ZDHHC13: variants seen among roughly 807,000 people sequenced by gnomAD.
The protein encoded by ZDHHC13 is palmitoyltransferase ZDHHC13.
In ZDHHC13, 85 loss-of-function variants were observed where a neutral mutation model predicts 86.0. The ratio of observed to expected loss-of-function variants is 0.99; its 90% confidence interval spans 0.83 to 1.18. The LOEUF is 1.18. Among genes scored for constraint, ZDHHC13 ranks in the 50% most tolerant of loss-of-function variants. The probability of loss-of-function intolerance (pLI) is 0.00; values close to 1 mark genes in which losing one functional copy is unlikely to be tolerated. For missense variants in ZDHHC13, 711 were observed against 730.2 expected (o/e 0.97, Z 0.30); for synonymous variants, 263 against 246.4 (o/e 1.07, Z -0.63).
chr11:19,168,823 AG>A, intron 14 of ZDHHC13: 1 of 985,434 alleles, frequency 1.0e-6, no homozygotes, highest in Non-Finnish European at 1.2e-6. Flanking sequence ...ATCTTTTGTA[AG>A]GTCTGTTTAC....
Position 19,146,196 on chromosome 11 carries a change from A to G in ZDHHC13, c.189A>G (p.Glu63=). ...CTTCTTTGAGATACGGAATTTTTGA[A>G]CGATGTAAAGAGTTGGTAGAAGCAG... ...IVKATQYGIF[E]RCKELVEAGY... The change falls in exon 3 of 17, where the codon GAA becomes GAG. Residue 63 remains glutamate (E), a synonymous_variant. Transcript: ENST00000446113. The G allele has an allele frequency of 1.3e-6, 2 of 1,590,466 alleles. No individual in the cohort carries two copies.
upstream of ZDHHC13, chr11:19,117,163 G>T: frequency 6.9e-7 from 1 of 1,444,104 alleles, no homozygotes; most frequent in Non-Finnish European, 9.4e-7. This position sits in a 1 kb window ranked among gnomAD's most constrained non-coding sequence, Gnocchi z 4.2. Context: ...GCAGGAAGTG[G>T]GAGAAGAGGC....
intron 2 of ZDHHC13, 106 bp downstream of exon 2, chr11:19,143,229 T>C: frequency 1.7e-6 from 2 of 1,197,552 alleles, no homozygotes; most frequent in South Asian, 1.6e-5. Context: ...AACTTCATAA[T>C]AGTAGTTAAC....
At position 19,155,828 on chromosome 11, in the gene ZDHHC13, C is replaced by T. The variant is rs1849741846; in HGVS notation, c.906C>T (p.Thr302=). 1.2e-6 allele frequency: 2 copies of T among 1,612,434 alleles called. No individual in the cohort carries two copies. Among genetic ancestry groups the T allele is most frequent in the Admixed American group, 1.7e-5 (1 of 59,672 alleles). ...TGCTGCTGATGCTTTCTGTGATTACCATGTGGGCTATTGGATACATATTGG... is the reference window on the plus strand; with the variant it reads ...TGCTGCTGATGCTTTCTGTGATTACTATGTGGGCTATTGGATACATATTGG... ...LFLLLMLSVI[T]MWAIGYILDF... Residue 302 remains threonine (T), a synonymous_variant, in exon 9 of 17, where the codon ACC becomes ACT. Transcript: ENST00000446113.
chr11:19,137,594 C>A (rs1849179969), intron 1 of ZDHHC13, among the ~76,000 whole-genome samples: 1 of 151,988 alleles, frequency 6.6e-6, no homozygotes, highest in Non-Finnish European at 1.5e-5. Context: ...AACTCTCCAC[C>A]CCAAATCAAC....
At position 19,165,058 on chromosome 11, in the gene ZDHHC13, A is replaced by G. The variant is rs766029709; in HGVS notation, c.1303A>G (p.Lys435Glu). The G allele has an allele frequency of 6.2e-7, 1 of 1,612,172 alleles. No individual in the cohort carries two copies. Among genetic ancestry groups the G allele is most frequent in the African/African-American group, 1.3e-5 (1 of 74,870 alleles). ...RTFCTSCLIR[K>E]PLRSLHCHVC... ...CTCTTAATTGCCCACTTAGATAAGG[A>G]AGCCATTAAGGTCACTCCACTGCCA... The change falls in exon 13 of 17, where the codon AAG (lysine) becomes GAG (glutamate). Residue 435 changes from lysine (K) to glutamate (E), a missense_variant. Physicochemically the swap from Lys to Glu is moderately conservative, Grantham distance 56 (BLOSUM62 1). Transcript: ENST00000446113.
rs372122735 is a variant in ZDHHC13, at chr11:19,163,361, C to T, written c.1167C>T (p.Tyr389=). ...TTTTCAGCATAGTAGCCTTTCTATA[C>T]TTTTTCTATAAGACTTGGGCAACTG... ...SFIFSIVAFL[Y]FFYKTWATDP... Residue 389 remains tyrosine, a synonymous_variant, in exon 11 of 17, where the codon TAC becomes TAT. Transcript: ENST00000446113. 1.2e-6 allele frequency: 2 copies of T among 1,608,068 alleles called. No homozygotes were observed. Among genetic ancestry groups the T allele is most frequent in the Non-Finnish European group, 1.7e-6 (2 of 1,177,298 alleles).
intron 9 of ZDHHC13, among the ~76,000 whole-genome samples, chr11:19,157,833 C>T (rs1849799837): frequency 6.6e-6 from 1 of 152,226 alleles, no homozygotes; most frequent in Non-Finnish European, 1.5e-5. Context: ...TTTATTCATA[C>T]ATCCCTTATT....
chr11:19,124,497 T>G (rs1298265830), intron 1 of ZDHHC13, among the ~76,000 whole-genome samples: 3 of 152,170 alleles, frequency 2.0e-5, no homozygotes, highest in Non-Finnish European at 4.4e-5. Context: ...TTTTATGGTT[T>G]TAAAATTCTA....
chr11:19,157,126 T>G (rs1849777103), intron 9 of ZDHHC13, among the ~76,000 whole-genome samples: 1 of 152,250 alleles, frequency 6.6e-6, no homozygotes, highest in Non-Finnish European at 1.5e-5. Context: ...AGGCCTCAGT[T>G]CAGCTGTCAC....
intron 8 of ZDHHC13, among the ~76,000 whole-genome samples, chr11:19,154,137 T>TA (rs1466064327): frequency 2.0e-5 from 3 of 152,192 alleles, no homozygotes; most frequent in Admixed American, 6.5e-5. Context: ...AAAATTCACT[T>TA]AGTATATTTA....
intron 14 of ZDHHC13, chr11:19,168,752 C>G: frequency 1.0e-6 from 1 of 967,682 alleles, no homozygotes. Context: ...GAGCCCTGCT[C>G]TATACTCTCC....
In ZDHHC13 at chr11:19,137,325, A is replaced by G. The variant is rs571340737; in HGVS notation, c.28-5653A>G. Among the ~76,000 whole-genome samples the G allele has an allele frequency of 8.1e-3, 1,230 of 152,246 alleles. 13 individuals are homozygous for G. The highest frequency in any genetic ancestry group is 0.028 in the African/African-American group (1,157 of 41,490). On this transcript the variant is annotated intron_variant, in intron 1 of 16. Coordinates refer to ENST00000446113, the MANE Select transcript of ZDHHC13 (RefSeq NM_019028.3). ...AAGATCAAAAGAGACAAAGAAGGCC[A>G]TTACATAATGGTAAAGGGATCAATT...
intron 1 of ZDHHC13, among the ~76,000 whole-genome samples, chr11:19,123,274 AAG>A (rs1477678798): frequency 1.3e-5 from 2 of 152,302 alleles, no homozygotes; most frequent in East Asian, 3.9e-4. Flanking sequence ...ATAGTATAAG[AAG>A]CAACAAATTT....
At position 19,146,265 on chromosome 11, in the gene ZDHHC13, T is replaced by A; in HGVS notation, c.258T>A (p.Leu86=). The A allele has an allele frequency of 6.2e-7, 1 of 1,613,480 alleles. No individual in the cohort carries two copies. The highest frequency in any genetic ancestry group is 8.5e-7 in the Non-Finnish European group (1 of 1,179,678). The change falls in exon 3 of 17, where the codon CTT becomes CTA. Residue 86 remains leucine, a synonymous_variant. Transcript: ENST00000446113. The stretch of plus-strand genomic sequence containing the variant: ...CAGATAAAGAAAATGTGTCGCTTCT[T>A]CATTGGGCTGCTATTAACAACAGAC... ...RQPDKENVSL[L]HWAAINNRLD...
chr11:19,170,698 A>G (rs533310426), intron 15 of ZDHHC13, 130 bp downstream of exon 15: 2 of 897,732 alleles, frequency 2.2e-6, no homozygotes, highest in South Asian at 3.7e-5. Context: ...GGGTCTAGCC[A>G]TGTCATTTAA....
chr11:19,141,103 C>A (rs1291341635), intron 1 of ZDHHC13, among the ~76,000 whole-genome samples: 1 of 151,160 alleles, frequency 6.6e-6, no homozygotes, highest in African/African-American at 2.4e-5. Flanking sequence ...AGTACTGATT[C>A]AGGGAGGTTT....
chr11:19,129,268 G>C (rs1029276859), intron 1 of ZDHHC13, among the ~76,000 whole-genome samples: 12 of 152,016 alleles, frequency 7.9e-5, no homozygotes, highest in African/African-American at 2.9e-4. Flanking sequence ...TTATTATGCT[G>C]TCTGGTACTT....
At chr11:19,131,940 T>G (rs1590063503) in intron 1 of ZDHHC13, among the ~76,000 whole-genome samples, 1 of 152,368 alleles carries the variant, frequency 6.6e-6, no homozygotes, top group East Asian at 1.9e-4. Context: ...GCAGATACTC[T>G]AACCTGATCT....
Sources: gnomAD v4.1 joint callset for allele counts (sites outside exome capture counted in the v4.1 genomes callset) on GRCh38, gnomAD v4.1.1 for gene constraint, Gnocchi (gnomAD v3.1) non-coding constraint, MANE v1.5 for transcripts, NCBI Gene and HGNC (gene_info 2026-07-23, HGNC 2026-07-21) for gene names.